Variants in EBF1 observed in about 807,000 individuals in gnomAD.
EBF1 encodes the protein EBF transcription factor 1.
EBF1 carries 10 observed loss-of-function variants against 68.4 expected under a neutral mutation model. The ratio of observed to expected loss-of-function variants is 0.15; its 90% CI spans 0.09 to 0.25. The LOEUF (loss-of-function observed/expected upper bound fraction) is 0.25, where lower values mean the gene tolerates loss of function less well. Ranked by LOEUF, EBF1 falls within the 10% of genes least tolerant of loss-of-function variation. The pLI is 1.00. For missense variants in EBF1, 509 were observed against 794.4 expected (o/e 0.64, Z 4.32); for synonymous variants, 298 against 299.8 (o/e 0.99, Z 0.06).
chr5:158,954,165 C>T (rs1286912347), intron 6 of EBF1, among the ~76,000 whole-genome samples: 1 of 152,216 alleles, frequency 6.6e-6, no homozygotes, highest in Non-Finnish European at 1.5e-5. Context: ...CTTCCAGTTT[C>T]CTGATACATG....
intron 10 of EBF1, among the ~76,000 whole-genome samples, chr5:158,775,745 A>AC (rs1774997802): frequency 7.3e-6 from 1 of 137,638 alleles, no homozygotes; most frequent in Non-Finnish European, 1.5e-5. Context: ...AGACTTGTAA[A>AC]ACACACACAC....
chr5:158,908,038 A>T (rs890723954), intron 6 of EBF1, among the ~76,000 whole-genome samples: 3 of 152,130 alleles, frequency 2.0e-5, no homozygotes, highest in Non-Finnish European at 2.9e-5. Flanking sequence ...CCAACACCCC[A>T]CCACCGAGTT....
At chr5:158,918,117 T>C (rs1331469893) in intron 6 of EBF1, among the ~76,000 whole-genome samples, 1 of 152,242 alleles carries the variant, frequency 6.6e-6, no homozygotes, top group Non-Finnish European at 1.5e-5. Flanking sequence ...GCTTTCTCTA[T>C]TTCATTTGAA....
chr5:158,923,192 C>T (rs1254411784), intron 6 of EBF1, among the ~76,000 whole-genome samples: 3 of 152,194 alleles, frequency 2.0e-5, no homozygotes, highest in Admixed American at 6.5e-5. Context: ...TAAAATTCTC[C>T]AGGTCCAGGT....
intron 7 of EBF1, among the ~76,000 whole-genome samples, chr5:158,829,509 A>G (rs1417131968): frequency 6.6e-6 from 1 of 151,824 alleles, no homozygotes; most frequent in Non-Finnish European, 1.5e-5. Flanking sequence ...TTTTAATAAC[A>G]TATTAATATT....
intron 6 of EBF1, among the ~76,000 whole-genome samples, chr5:158,990,943 G>A (rs1018992340): frequency 2.6e-5 from 4 of 152,044 alleles, no homozygotes; most frequent in African/African-American, 9.7e-5. Context: ...AACAAAAGCT[G>A]GTATATAAGA....
intron 7 of EBF1, among the ~76,000 whole-genome samples, chr5:158,832,701 G>A (rs1787846637): frequency 6.6e-6 from 1 of 152,174 alleles, no homozygotes; most frequent in South Asian, 2.1e-4. Flanking sequence ...TGTCAGGCAT[G>A]TATTTTAAGA....
intron 6 of EBF1, among the ~76,000 whole-genome samples, chr5:158,922,488 T>C (rs1206318416): frequency 3.9e-5 from 6 of 152,208 alleles, no homozygotes. Flanking sequence ...AAATAGATCT[T>C]CCATTTCTCC....
intron 10 of EBF1, among the ~76,000 whole-genome samples, chr5:158,750,848 T>C (rs950108770): frequency 6.6e-6 from 1 of 152,106 alleles, no homozygotes; most frequent in African/African-American, 2.4e-5. Context: ...CTATGGTTTT[T>C]AAAGCATCAA....
intron 9 of EBF1, among the ~76,000 whole-genome samples, chr5:158,786,680 C>G (rs1311740683): frequency 6.6e-6 from 1 of 152,138 alleles, no homozygotes; most frequent in Non-Finnish European, 1.5e-5. Context: ...CCTACTCAGG[C>G]CTGGCTCAGT....
intron 6 of EBF1, among the ~76,000 whole-genome samples, chr5:158,954,209 C>A (rs567093093): frequency 6.6e-6 from 1 of 151,464 alleles, no homozygotes; most frequent in Non-Finnish European, 1.5e-5. Context: ...GATGGGGTGG[C>A]GTGGAGGTTG....
Position 159,096,422 on chromosome 5 carries a change from A to G in EBF1, c.292-16T>C. On this transcript the variant is annotated splice_polypyrimidine_tract_variant and intron_variant, in intron 2 of 15. Transcript: ENST00000313708. ...TGTTGGCTTCCTGGGTTGCATCAGG[A>G]CGCAAAGACACAAGAGATGCAGGAG... 1.2e-6 allele frequency: 2 copies of G among 1,612,174 alleles called. No individual in the cohort carries two copies. Among genetic ancestry groups the G allele is most frequent in the Non-Finnish European group, 1.7e-6 (2 of 1,179,092 alleles).
chr5:159,064,583 T>A (rs1445351997), intron 6 of EBF1, among the ~76,000 whole-genome samples: 31 of 152,150 alleles, frequency 2.0e-4, no homozygotes, highest in Admixed American at 2.0e-3. Flanking sequence ...AAACTCACAG[T>A]GATCAGGGGT....
intron 10 of EBF1, among the ~76,000 whole-genome samples, chr5:158,759,807 T>G (rs1006689328): frequency 3.3e-5 from 5 of 152,110 alleles, no homozygotes; most frequent in Admixed American, 3.3e-4. Flanking sequence ...AATACAGGTG[T>G]CTTGGGGGCA....
chr5:158,868,944 G>T (rs1159940653), intron 6 of EBF1, among the ~76,000 whole-genome samples: 1 of 152,088 alleles, frequency 6.6e-6, no homozygotes, highest in Non-Finnish European at 1.5e-5. Flanking sequence ...ATCGAAGGAG[G>T]TTTCATGTTC....
At chr5:158,839,200 T>C (rs1789597340) in intron 7 of EBF1, among the ~76,000 whole-genome samples, 1 of 152,218 alleles carries the variant, frequency 6.6e-6, no homozygotes, top group Non-Finnish European at 1.5e-5. Flanking sequence ...ACAGAATTGT[T>C]ATCCATATCA....
intron 6 of EBF1, among the ~76,000 whole-genome samples, chr5:158,883,134 T>C (rs556820342): frequency 1.8e-4 from 27 of 152,242 alleles, no homozygotes; most frequent in Admixed American, 9.2e-4. Context: ...GAAGGGAAGC[T>C]GTCACCAGAG....
chr5:158,806,841 C>G (rs1781678142), intron 8 of EBF1, among the ~76,000 whole-genome samples: 1 of 152,156 alleles, frequency 6.6e-6, no homozygotes, highest in South Asian at 2.1e-4. Context: ...TACTGTCTAT[C>G]TTCCACATTC....
chr5:158,906,950 C>T (rs1279692063), intron 6 of EBF1, among the ~76,000 whole-genome samples: 1 of 152,216 alleles, frequency 6.6e-6, no homozygotes, highest in African/African-American at 2.4e-5. Flanking sequence ...TTTTGTCCCA[C>T]ATAACTCTGT....
Sources: allele counts gnomAD v4.1 joint callset (sites outside exome capture counted in the v4.1 genomes callset), GRCh38; gene constraint gnomAD v4.1.1; transcripts MANE v1.5; gene names NCBI Gene and HGNC (gene_info 2026-07-23, HGNC 2026-07-21).